RABGEF1: variants seen among roughly 807,000 people sequenced by gnomAD.
The protein encoded by RABGEF1 is RAB guanine nucleotide exchange factor 1.
In RABGEF1, 26 loss-of-function variants were observed where a neutral mutation model predicts 57.3. That is an observed-to-expected ratio of 0.45 (90% CI 0.33 to 0.63). The LOEUF (loss-of-function observed/expected upper bound fraction) is 0.63, where lower values mean the gene tolerates loss of function less well. Among genes scored for constraint, RABGEF1 ranks in the 20% least tolerant of loss-of-function variants. The pLI is 0.02. For missense variants in RABGEF1, 464 were observed against 607.6 expected, an observed-to-expected ratio of 0.76 and a Z score of 2.48; for synonymous variants, 185 against 210.7, an observed-to-expected ratio of 0.88 and a Z score of 1.06.
intron 2 of RABGEF1, among the ~76,000 whole-genome samples, chr7:66,714,991 G>T (rs1795206309): frequency 6.6e-6 from 1 of 152,014 alleles, no homozygotes; most frequent in South Asian, 2.1e-4. Flanking sequence ...GAAAACTTTC[G>T]TCGTCCTCCT....
intron 2 of RABGEF1, among the ~76,000 whole-genome samples, chr7:66,727,562 A>G (rs138774527): frequency 1.3e-5 from 2 of 152,146 alleles, no homozygotes. Flanking sequence ...TTGGGTGGAG[A>G]GATGAGATGT....
intron 3 of RABGEF1, among the ~76,000 whole-genome samples, chr7:66,779,774 G>T (rs567689788): frequency 8.6e-5 from 13 of 151,748 alleles, no homozygotes; most frequent in African/African-American, 2.9e-4. Context: ...TAACGTGGAT[G>T]AGGTTGTTCT....
At chr7:66,688,931 A>G (rs1791111906) in intron 1 of RABGEF1, among the ~76,000 whole-genome samples, 1 of 152,078 alleles carries the variant, frequency 6.6e-6, no homozygotes, top group Non-Finnish European at 1.5e-5. Flanking sequence ...CATTGCTACT[A>G]AAAATACAAA....
chr7:66,699,462 G>A (rs566851654), intron 1 of RABGEF1, among the ~76,000 whole-genome samples: 61 of 152,250 alleles, frequency 4.0e-4, no homozygotes, highest in Middle Eastern at 3.4e-3. Context: ...AGGTCGAGGC[G>A]GATGGACCAC....
At chr7:66,696,362 C>T (rs1421430907) in intron 1 of RABGEF1, among the ~76,000 whole-genome samples, 2 of 151,852 alleles carry the variant, frequency 1.3e-5, no homozygotes, top group African/African-American at 4.8e-5. Flanking sequence ...TCCAGTGTGG[C>T]CAAGGGACTT....
At chr7:66,794,207 A>ATTTTTTTTTTT (rs1174835014) in intron 4 of RABGEF1, among the ~76,000 whole-genome samples, 37 of 91,050 alleles carry the variant, frequency 4.1e-4, no homozygotes, top group Middle Eastern at 7.5e-3. Flanking sequence ...TCCATGTTTA[A>ATTTTTTTTTTT]TTTTTTTTTT....
intron 1 of RABGEF1, among the ~76,000 whole-genome samples, chr7:66,751,467 G>A (rs10246549): frequency 4.3e-4 from 65 of 152,136 alleles, no homozygotes; most frequent in Non-Finnish European, 8.4e-4. Flanking sequence ...GTGAGACATC[G>A]TGAATACAGT....
At chr7:66,667,024 A>G in the RABGEF1 span, among the ~76,000 whole-genome samples, 1 of 152,182 alleles carries the variant, frequency 6.6e-6, no homozygotes, top group African/African-American at 2.4e-5. Context: ...TCCACTCCAG[A>G]CAGCCCTGGG....
chr7:66,780,082 G>A (rs1363016500), intron 3 of RABGEF1, among the ~76,000 whole-genome samples: 1 of 152,188 alleles, frequency 6.6e-6, no homozygotes, highest in African/African-American at 2.4e-5. Context: ...CTTTGGAAAA[G>A]TATGTGTGGG....
At chr7:66,783,544 A>G in intron 3 of RABGEF1, 131 bp from the exon 4 acceptor site, 2 of 908,946 alleles carry the variant, frequency 2.2e-6, no homozygotes, top group Non-Finnish European at 1.5e-6. Flanking sequence ...CCATTCAAAC[A>G]TAAAATTATT....
chr7:66,711,668 G>A (rs1019101092), intron 1 of RABGEF1, among the ~76,000 whole-genome samples: 1 of 151,718 alleles, frequency 6.6e-6, no homozygotes, highest in Admixed American at 6.6e-5. Flanking sequence ...CTCGCTGCAA[G>A]CTCCGCCTCC....
At chr7:66,800,418 T>TTGTG (rs1447343772) in intron 7 of RABGEF1, among the ~76,000 whole-genome samples, 1 of 152,212 alleles carries the variant, frequency 6.6e-6, no homozygotes, top group African/African-American at 2.4e-5. Flanking sequence ...CTGCTTCTCT[T>TTGTG]TATCTTCCCG....
chr7:66,749,022 C>G (rs536373331), intron 1 of RABGEF1: 74 of 165,504 alleles, frequency 4.5e-4, no homozygotes, highest in African/African-American at 1.6e-3. Context: ...TCAGGCTCAC[C>G]GTGACTTCCT....
chr7:66,748,946 A>G, intron 1 of RABGEF1: 1 of 218,298 alleles, frequency 4.6e-6, no homozygotes, highest in South Asian at 8.2e-5. Flanking sequence ...TTATGTCATA[A>G]GAGCAAGGCC....
chr7:66,756,162 T>C (rs4718395), intron 1 of RABGEF1: 5 of 858,272 alleles, frequency 5.8e-6, no homozygotes, highest in Non-Finnish European at 8.6e-6. Context: ...AAATCAGTTA[T>C]TCAAAGAAAA....
intron 1 of RABGEF1, among the ~76,000 whole-genome samples, chr7:66,758,507 C>T (rs867191048): frequency 2.6e-5 from 4 of 152,206 alleles, no homozygotes; most frequent in Admixed American, 6.5e-5. Context: ...CCAACAGGAG[C>T]GATGTGTGGC....
chr7:66,743,057 C>G (rs1303671289), intron 1 of RABGEF1, among the ~76,000 whole-genome samples: 2 of 152,122 alleles, frequency 1.3e-5, no homozygotes, highest in Non-Finnish European at 2.9e-5. Context: ...CGCCTGTAAT[C>G]CCAGCACTTT....
At chr7:66,704,994 CT>C (rs553808362) in intron 1 of RABGEF1, among the ~76,000 whole-genome samples, 22 of 152,214 alleles carry the variant, frequency 1.4e-4, no homozygotes, top group Non-Finnish European at 2.8e-4. Context: ...GATGAGGATT[CT>C]TGTACATGTT....
chr7:66,767,650 A>G (rs969385279), intron 1 of RABGEF1, among the ~76,000 whole-genome samples: 2 of 152,132 alleles, frequency 1.3e-5, no homozygotes, highest in African/African-American at 4.8e-5. Flanking sequence ...TGGAGACCTC[A>G]TGACTGGGGC....
Sources: allele counts gnomAD v4.1 joint callset (sites outside exome capture counted in the v4.1 genomes callset), GRCh38; gene constraint gnomAD v4.1.1; transcripts MANE v1.5; gene names NCBI Gene and HGNC (gene_info 2026-07-23, HGNC 2026-07-21).